GDAP1: variants seen among roughly 807,000 people sequenced by gnomAD.
The protein encoded by GDAP1 is ganglioside-induced differentiation-associated protein 1.
A neutral mutation model predicts 40.1 loss-of-function variants in GDAP1; 34 were observed. The ratio of observed to expected loss-of-function variants is 0.85; its 90% CI spans 0.64 to 1.13. The LOEUF (loss-of-function observed/expected upper bound fraction) is 1.13. GDAP1 is among the 50% of genes most tolerant of loss of function. The pLI is 0.00. For synonymous variants in GDAP1, 170 were observed against 157.4 expected, an observed-to-expected ratio of 1.08 and a Z score of -0.60; for missense variants, 374 against 433.7, an observed-to-expected ratio of 0.86 and a Z score of 1.22.
chr8:74,462,964 A>C (rs1586842149), intron 2 of GDAP1, among the ~76,000 whole-genome samples: 1 of 151,060 alleles, frequency 6.6e-6, no homozygotes. Flanking sequence ...CAAAGGGAAA[A>C]GTTTATAGAT....
intron 2 of GDAP1, among the ~76,000 whole-genome samples, chr8:74,400,844 T>C (rs893994292): frequency 1.0e-4 from 15 of 149,356 alleles, no homozygotes; most frequent in African/African-American, 3.4e-4. Context: ...AATTCTGGGT[T>C]GAAAATTCTT....
intron 3 of GDAP1, 118 bp downstream of exon 3, chr8:74,360,428 CT>C: frequency 1.1e-6 from 1 of 874,298 alleles, no homozygotes; most frequent in East Asian, 2.4e-5. Context: ...GTTGAGTTTG[CT>C]TCATGGATGT....
intron 2 of GDAP1, among the ~76,000 whole-genome samples, chr8:74,475,878 G>C (rs559119949): frequency 2.0e-5 from 3 of 152,228 alleles, no homozygotes; most frequent in African/African-American, 7.2e-5. Context: ...ACTGTCAATG[G>C]GGTGTTGAAT....
chr8:74,410,841 T>G (rs1420844948), intron 2 of GDAP1, among the ~76,000 whole-genome samples: 1 of 150,202 alleles, frequency 6.7e-6, no homozygotes, highest in Non-Finnish European at 1.5e-5. Context: ...AGGACTTGTG[T>G]TTGCAATTAA....
intron 2 of GDAP1, among the ~76,000 whole-genome samples, chr8:74,455,967 G>C (rs1001811303): frequency 4.6e-5 from 7 of 152,012 alleles, no homozygotes; most frequent in African/African-American, 1.4e-4. Flanking sequence ...ATGAATTTTA[G>C]TTTTTGCTCA....
At chr8:74,376,680 T>TA (rs1258057595) in intron 2 of GDAP1, 5 of 152,258 alleles carry the variant, frequency 3.3e-5, no homozygotes, top group Admixed American at 1.3e-4. Flanking sequence ...TTTTAAGACT[T>TA]ACAATAGGCT....
intron 2 of GDAP1, among the ~76,000 whole-genome samples, chr8:74,468,379 A>G (rs1806500094): frequency 6.6e-6 from 1 of 151,930 alleles, no homozygotes. Flanking sequence ...CTTTCTCTTC[A>G]AGACCTGTCC....
At chr8:74,463,802 A>G (rs896799809) in intron 2 of GDAP1, among the ~76,000 whole-genome samples, 2 of 152,258 alleles carry the variant, frequency 1.3e-5, no homozygotes, top group African/African-American at 4.8e-5. Flanking sequence ...TAATTGTAAT[A>G]GTAATCAAAA....
In GDAP1 at chr8:74,350,558, C is replaced by A. The variant is rs1204477096; in HGVS notation, c.97C>A (p.His33Asn). 1.2e-6 allele frequency: 2 copies of A among 1,605,882 alleles called. No individual in the cohort carries two copies. Among genetic ancestry groups the A allele is most frequent in the African/African-American group, 2.7e-5 (2 of 74,780 alleles). The change falls in exon 1 of 6, where the codon CAT becomes AAT. Residue 33 changes from histidine (H) to asparagine (N), a missense_variant. Transcript: ENST00000220822. ...TAAGCTCATTCTGTACCATTGGACG[C>A]ATTCCTTCAGCTCTCAAAAGGTACA... ...EVKLILYHWTHSFSSQKVRLV... is the reference protein window; with the variant it reads ...EVKLILYHWTNSFSSQKVRLV...
chr8:74,472,447 G>A (rs545839487), intron 2 of GDAP1, among the ~76,000 whole-genome samples: 183 of 152,290 alleles, frequency 1.2e-3, no homozygotes, highest in African/African-American at 4.3e-3. Context: ...CTTTGGGTAT[G>A]TTCCCAGTAA....
At chr8:74,360,331 C>A in intron 3 of GDAP1, 21 bp downstream of exon 3, 1 of 1,595,682 alleles carries the variant, frequency 6.3e-7, no homozygotes, top group Non-Finnish European at 8.6e-7. Context: ...ATTTTAAAGA[C>A]CTGGAATTCT....
chr8:74,463,941 G>A (rs1586842587), intron 2 of GDAP1, among the ~76,000 whole-genome samples: 2 of 151,958 alleles, frequency 1.3e-5, no homozygotes, highest in Non-Finnish European at 2.9e-5. Context: ...AGCATAAAGG[G>A]AAAAAATCCA....
chr8:74,400,066 C>G (rs937144654), intron 2 of GDAP1, among the ~76,000 whole-genome samples: 1 of 147,614 alleles, frequency 6.8e-6, no homozygotes, highest in Non-Finnish European at 1.5e-5. Context: ...TCTATTAGGT[C>G]CGCTTGGTGC....
At chr8:74,447,060 C>T (rs946583940) in intron 2 of GDAP1, among the ~76,000 whole-genome samples, 5 of 152,004 alleles carry the variant, frequency 3.3e-5, no homozygotes, top group South Asian at 2.1e-4. Flanking sequence ...CCACAAGGGC[C>T]TTCTTTCACC....
intron 2 of GDAP1, among the ~76,000 whole-genome samples, chr8:74,464,356 A>G (rs1300809856): frequency 1.3e-5 from 2 of 152,206 alleles, no homozygotes; most frequent in African/African-American, 4.8e-5. Flanking sequence ...TCCAGGCTGC[A>G]GTAAAATTCA....
At chr8:74,480,466 C>A (rs1256446145) in intron 2 of GDAP1, among the ~76,000 whole-genome samples, 1 of 152,258 alleles carries the variant, frequency 6.6e-6, no homozygotes, top group East Asian at 1.9e-4. Flanking sequence ...ATATTGGTTG[C>A]ACAGGCAGAG....
intron 2 of GDAP1, among the ~76,000 whole-genome samples, chr8:74,423,312 A>G (rs1805903808): frequency 6.8e-6 from 1 of 147,212 alleles, no homozygotes; most frequent in East Asian, 1.9e-4. Context: ...ACTATATATA[A>G]TAGTATATAT....
At chr8:74,375,262 G>A (rs1384398600) in intron 2 of GDAP1, among the ~76,000 whole-genome samples, 1 of 152,082 alleles carries the variant, frequency 6.6e-6, no homozygotes, top group Non-Finnish European at 1.5e-5. Context: ...GGGAGGCAGA[G>A]GTTGCAGTGA....
downstream of GDAP1, among the ~76,000 whole-genome samples, chr8:74,370,005 AC>A (rs1474616927): frequency 6.6e-6 from 1 of 152,246 alleles, no homozygotes; most frequent in African/African-American, 2.4e-5. Context: ...TTTTAAAGAC[AC>A]TTTATTTCAT....
Sources: allele counts gnomAD v4.1 joint callset (sites outside exome capture counted in the v4.1 genomes callset), GRCh38; gene constraint gnomAD v4.1.1; transcripts MANE v1.5; gene names NCBI Gene and HGNC (gene_info 2026-07-23, HGNC 2026-07-21).